The following ANAPC1 variants were observed in gnomAD, a reference collection of about 807,000 sequenced individuals.
ANAPC1 encodes the protein anaphase promoting complex subunit 1.
ANAPC1 carries 36 observed loss-of-function variants against 208.0 expected under a neutral mutation model. The ratio of observed to expected loss-of-function variants is 0.17; its 90% CI spans 0.13 to 0.23. The LOEUF is 0.23. Ranked by LOEUF, ANAPC1 falls within the 10% of genes least tolerant of loss-of-function variation. The pLI is 1.00. For missense variants in ANAPC1, 942 were observed against 2,011.6 expected (o/e 0.47, Z 10.17); for synonymous variants, 378 against 695.2 (o/e 0.54, Z 7.18).
intron 2 of ANAPC1, among the ~76,000 whole-genome samples, chr2:111,879,629 G>C (rs1466569605): frequency 6.6e-6 from 1 of 152,296 alleles, no homozygotes; most frequent in East Asian, 1.9e-4. Context: ...CCAGCACTTT[G>C]GGAAGCCGTG....
chr2:111,826,354 T>A (rs185025035), intron 21 of ANAPC1, among the ~76,000 whole-genome samples: 2 of 152,348 alleles, frequency 1.3e-5, no homozygotes, highest in African/African-American at 4.8e-5. Flanking sequence ...CCTTTTGTAG[T>A]CAATCCTTTC....
chr2:111,855,098 G>A (rs1681628086), intron 13 of ANAPC1, among the ~76,000 whole-genome samples: 1 of 152,116 alleles, frequency 6.6e-6, no homozygotes, highest in Admixed American at 6.6e-5. Flanking sequence ...GTTACTAATT[G>A]GTCTAATTTC....
At chr2:111,779,800 G>A (rs1273820730) in intron 44 of ANAPC1, 8 of 206,812 alleles carry the variant, frequency 3.9e-5, no homozygotes, top group Non-Finnish European at 6.9e-5. Context: ...CCATGATCAC[G>A]TCACTGCACT....
intron 44 of ANAPC1, chr2:111,779,458 G>A (rs1677164412): frequency 6.6e-6 from 1 of 151,192 alleles, no homozygotes; most frequent in Non-Finnish European, 1.5e-5. Context: ...TTTTAGAAAT[G>A]AGGAAACTAC....
intron 19 of ANAPC1, among the ~76,000 whole-genome samples, chr2:111,834,263 A>G (rs11674974): frequency 0.19 from 28,384 of 152,218 alleles, 2,959 homozygotes; most frequent in Middle Eastern, 0.3. Context: ...GCACTATTTG[A>G]ATGTGGATAT....
At position 111,844,955 on chromosome 2, in the gene ANAPC1, C is replaced by A. The variant is rs1179048761; in HGVS notation, c.1853-1356G>T. On this transcript the variant is annotated intron_variant, in intron 16 of 47. Coordinates refer to ENST00000341068, the MANE Select transcript of ANAPC1 (RefSeq NM_022662.4). Reference sequence around the variant, plus strand: ...CCAACTCCTGGACTCAAGTGGTCCACCAGCTCAAGCTTCCCAAGTAGCAAG... The same window carrying A: ...CCAACTCCTGGACTCAAGTGGTCCAACAGCTCAAGCTTCCCAAGTAGCAAG... Among the ~76,000 whole-genome samples the A allele has an allele frequency of 1.9e-4, 29 of 152,180 alleles. 1 individual carries two copies. The highest frequency in any genetic ancestry group is 1.9e-3 in the Admixed American group (29 of 15,278).
intron 20 of ANAPC1, 118 bp downstream of exon 20, chr2:111,833,102 G>A: frequency 7.3e-7 from 1 of 1,369,418 alleles, no homozygotes; most frequent in South Asian, 2.0e-5. Context: ...TGGTGGAAAG[G>A]CACTGCCCCT....
intron 20 of ANAPC1, among the ~76,000 whole-genome samples, chr2:111,832,335 A>T (rs1287529332): frequency 6.6e-6 from 1 of 151,720 alleles, no homozygotes; most frequent in Non-Finnish European, 1.5e-5. Flanking sequence ...GAAGAATCTA[A>T]TCAAAAATCT....
chr2:111,824,128 CTT>C (rs1403116696), intron 24 of ANAPC1, among the ~76,000 whole-genome samples: 3 of 149,310 alleles, frequency 2.0e-5, no homozygotes, highest in Non-Finnish European at 3.0e-5. Flanking sequence ...GAGAATAACA[CTT>C]ATTAAATATT....
intron 16 of ANAPC1, among the ~76,000 whole-genome samples, chr2:111,845,044 C>CT (rs1429000268): frequency 6.6e-6 from 1 of 152,146 alleles, no homozygotes; most frequent in Non-Finnish European, 1.5e-5. Flanking sequence ...GACAGAGTCT[C>CT]ACTATGTTGT....
chr2:111,844,150 C>A (rs1680924217), intron 16 of ANAPC1, among the ~76,000 whole-genome samples: 1 of 152,030 alleles, frequency 6.6e-6, no homozygotes, highest in Admixed American at 6.6e-5. Context: ...ATTAATTTTG[C>A]ATCAGAAATA....
intron 24 of ANAPC1, among the ~76,000 whole-genome samples, chr2:111,823,682 A>T (rs917706259): frequency 3.3e-5 from 5 of 152,352 alleles, no homozygotes; most frequent in African/African-American, 1.2e-4. Flanking sequence ...GTGAAGAAAA[A>T]GGAACACATA....
intron 46 of ANAPC1, among the ~76,000 whole-genome samples, chr2:111,774,915 A>T (rs1186191873): frequency 2.0e-5 from 3 of 150,388 alleles, no homozygotes; most frequent in African/African-American, 7.4e-5. Context: ...AAAGTTCTTA[A>T]ACTTGAAACC....
At chr2:111,815,237 A>C (rs1385327519) in intron 28 of ANAPC1, 133 bp downstream of exon 28, 7 of 198,210 alleles carry the variant, frequency 3.5e-5, no homozygotes, top group Admixed American at 5.9e-5. Context: ...CTTTAGAAAG[A>C]TTATTCCATG....
At chr2:111,807,250 C>CA (rs1678726689) in intron 29 of ANAPC1, among the ~76,000 whole-genome samples, 1 of 123,480 alleles carries the variant, frequency 8.1e-6, no homozygotes, top group Admixed American at 9.1e-5. Context: ...CAAAGGTAAT[C>CA]AGTGTAATGT....
At chr2:111,837,928 T>C (rs1360237305) in intron 18 of ANAPC1, among the ~76,000 whole-genome samples, 1 of 151,626 alleles carries the variant, frequency 6.6e-6, no homozygotes, top group Non-Finnish European at 1.5e-5. Context: ...CCACCAAAAC[T>C]ACAAAAATTA....
chr2:111,831,409 T>C lies in ANAPC1; in HGVS notation c.2502A>G (p.Pro834=), dbSNP rs1169723475. 2 of 1,609,436 alleles carry C rather than the reference T, an allele frequency of 1.2e-6. No individual in the cohort carries two copies. Among genetic ancestry groups the C allele is most frequent in the African/African-American group, 2.7e-5 (2 of 74,878 alleles). Residue 834 remains proline, a synonymous_variant, in exon 21 of 48, where the codon CCA becomes CCG. Transcript: ENST00000341068. ...TTGGTGGCTCAGACGTAAAAAATGA[T>C]GGATGATGCATAAATCCTGTTTGAC... The part of the protein sequence containing the change: ...DPGQTGFMHH[P]SFFTSEPPSI...
At chr2:111,836,805 T>C (rs974539103) in intron 18 of ANAPC1, among the ~76,000 whole-genome samples, 31 of 151,378 alleles carry the variant, frequency 2.0e-4, no homozygotes, top group African/African-American at 6.8e-4. Flanking sequence ...CAGTCTCTAC[T>C]AAAAATACAA....
chr2:111,773,903 G>A (rs1187601701), intron 46 of ANAPC1, among the ~76,000 whole-genome samples: 3 of 151,382 alleles, frequency 2.0e-5, no homozygotes, highest in Non-Finnish European at 2.9e-5. Context: ...GCTGAATCAG[G>A]AGCCATTGAA....
Sources: gnomAD v4.1 joint callset for allele counts (sites outside exome capture counted in the v4.1 genomes callset) on GRCh38, gnomAD v4.1.1 for gene constraint, MANE v1.5 for transcripts, NCBI Gene and HGNC (gene_info 2026-07-23, HGNC 2026-07-21) for gene names.